SPON1: variants seen among roughly 807,000 people sequenced by gnomAD.
The protein encoded by SPON1 is spondin 1, also known as spondin-1.
In SPON1, 52 loss-of-function variants were observed where a neutral mutation model predicts 111.7. The ratio of observed to expected loss-of-function variants is 0.47; its 90% CI spans 0.37 to 0.59. The LOEUF is 0.59. Among genes scored for constraint, SPON1 ranks in the 20% least tolerant of loss-of-function variants. SPON1 has a pLI of 0.00. For synonymous variants in SPON1, 410 were observed against 395.8 expected (o/e 1.04, Z -0.43); for missense variants, 957 against 1,068.5 (o/e 0.90, Z 1.46).
At chr11:14,039,107 A>C (rs1482305828) in intron 2 of SPON1, among the ~76,000 whole-genome samples, 3 of 152,208 alleles carry the variant, frequency 2.0e-5, no homozygotes, top group Non-Finnish European at 4.4e-5. Flanking sequence ...AAAGCTACAT[A>C]CTGTATGATT....
At chr11:14,150,797 G>A (rs1847778188) in intron 6 of SPON1, among the ~76,000 whole-genome samples, 1 of 152,204 alleles carries the variant, frequency 6.6e-6, no homozygotes, top group South Asian at 2.1e-4. Context: ...GTCAAGTACA[G>A]GACACAGGGA....
intron 2 of SPON1, among the ~76,000 whole-genome samples, chr11:14,001,766 A>G (rs1848320879): frequency 6.6e-6 from 1 of 152,170 alleles, no homozygotes; most frequent in Non-Finnish European, 1.5e-5. Flanking sequence ...AGAATGACAA[A>G]CAAACATAAT....
intron 6 of SPON1, among the ~76,000 whole-genome samples, chr11:14,150,491 GA>G (rs554862972): frequency 6.6e-6 from 1 of 152,074 alleles, no homozygotes; most frequent in South Asian, 2.1e-4. Flanking sequence ...AACAATAAAT[GA>G]GGTGATATGC....
intron 2 of SPON1, among the ~76,000 whole-genome samples, chr11:14,028,150 T>C (rs1848532743): frequency 6.6e-6 from 1 of 152,114 alleles, no homozygotes; most frequent in South Asian, 2.1e-4. Flanking sequence ...CTTCACTGGA[T>C]TATTGTTTGA....
chr11:14,092,506 C>G (rs1415805435), intron 5 of SPON1, among the ~76,000 whole-genome samples: 1 of 152,120 alleles, frequency 6.6e-6, no homozygotes, highest in Non-Finnish European at 1.5e-5. Context: ...AATACCCAGT[C>G]TCTGCAGGTG....
intron 2 of SPON1, among the ~76,000 whole-genome samples, chr11:14,026,682 G>A (rs1554915355): frequency 6.6e-6 from 1 of 152,236 alleles, no homozygotes; most frequent in Non-Finnish European, 1.5e-5. Context: ...GGATAACAGG[G>A]AGGTTGAGAA....
In SPON1 at chr11:14,004,977, A is replaced by T. The variant is rs12222635; in HGVS notation, c.345+22024A>T. 3.4e-4 allele frequency among the ~76,000 whole-genome samples: 51 copies of T among 151,996 alleles called. No individual in the cohort carries two copies. In the East Asian group the frequency reaches 6.7e-3, roughly 20 times the overall value. Reference sequence around the variant, plus strand: ...GCATGCCACTATGTCTGGATGATTTAAAAAAAATTTTTTTAGAGATGGAGT... The same window carrying T: ...GCATGCCACTATGTCTGGATGATTTTAAAAAAATTTTTTTAGAGATGGAGT... On this transcript the variant is annotated intron_variant, in intron 2 of 15. Transcript: ENST00000576479.
intron 5 of SPON1, among the ~76,000 whole-genome samples, chr11:14,120,120 G>C (rs10832184): frequency 0.36 from 54,218 of 151,894 alleles, 9,856 homozygotes; most frequent in Admixed American, 0.42. Flanking sequence ...CCCTGGGTGA[G>C]TCATTTAATC....
intron 1 of SPON1, among the ~76,000 whole-genome samples, chr11:13,977,741 A>T (rs546674999): frequency 2.4e-4 from 36 of 152,232 alleles, no homozygotes; most frequent in African/African-American, 7.9e-4. Context: ...TATGTAAGAA[A>T]TCTTTGTTAC....
chr11:14,230,764 T>TTTCCTTCC (rs57121403), intron 6 of SPON1, among the ~76,000 whole-genome samples: 3,066 of 112,494 alleles, frequency 0.027, 118 homozygotes, highest in African/African-American at 0.098. Flanking sequence ...TCTCTCTCTC[T>TTTCCTTCC]TTCCTTCCTT....
At chr11:14,090,548 G>A (rs1554923168) in intron 5 of SPON1, among the ~76,000 whole-genome samples, 1 of 152,080 alleles carries the variant, frequency 6.6e-6, no homozygotes, top group Non-Finnish European at 1.5e-5. Flanking sequence ...TGGCTCAGGA[G>A]TGAAGCTGCA....
At chr11:13,985,323 A>G (rs1848174033) in intron 2 of SPON1, among the ~76,000 whole-genome samples, 1 of 152,236 alleles carries the variant, frequency 6.6e-6, no homozygotes, top group African/African-American at 2.4e-5. Flanking sequence ...GATAACGACA[A>G]TAGCTAACAC....
chr11:14,121,962 A>T (rs1311778966), intron 5 of SPON1, among the ~76,000 whole-genome samples: 1 of 151,484 alleles, frequency 6.6e-6, no homozygotes, highest in Non-Finnish European at 1.5e-5. Context: ...GCAAGTCATC[A>T]TTCTTATCTT....
chr11:14,145,009 C>T (rs996473016), intron 6 of SPON1, among the ~76,000 whole-genome samples: 1 of 152,064 alleles, frequency 6.6e-6, no homozygotes, highest in Non-Finnish European at 1.5e-5. Context: ...TAAGTGGGCA[C>T]TTGTGGTTGG....
chr11:14,028,342 T>G (rs951505685), intron 2 of SPON1, among the ~76,000 whole-genome samples: 3 of 151,758 alleles, frequency 2.0e-5, no homozygotes, highest in African/African-American at 7.3e-5. Context: ...AAATATTACC[T>G]CGGCATGGTG....
intron 3 of SPON1, among the ~76,000 whole-genome samples, chr11:14,045,358 C>G (rs1426785758): frequency 2.6e-5 from 4 of 152,096 alleles, no homozygotes; most frequent in African/African-American, 9.7e-5. Flanking sequence ...GGGCAGATCG[C>G]CTGAGGTCGG....
In SPON1 at chr11:14,234,196, C is replaced by G. The variant is rs1848836490; in HGVS notation, c.826-9136C>G. Reference sequence around the variant, plus strand: ...GATCATGGGCTGGGCTTCCTCACAGCCCTTTCTGTTTGAAGGCAGACAGCC... The same window carrying G: ...GATCATGGGCTGGGCTTCCTCACAGGCCTTTCTGTTTGAAGGCAGACAGCC... On this transcript the variant is annotated intron_variant, in intron 6 of 15. Transcript: ENST00000576479. 2.6e-5 allele frequency among the ~76,000 whole-genome samples: 4 copies of G among 152,210 alleles called. No individual in the cohort carries two copies. The South Asian group carries it at 8.3e-4, about 32-fold the overall frequency.
At chr11:14,018,323 G>C (rs1438231309) in intron 2 of SPON1, among the ~76,000 whole-genome samples, 1 of 152,166 alleles carries the variant, frequency 6.6e-6, no homozygotes, top group Non-Finnish European at 1.5e-5. Flanking sequence ...TATCAAGCCT[G>C]AGATCTTAAG....
intron 6 of SPON1, among the ~76,000 whole-genome samples, chr11:14,139,345 G>A (rs1354185242): frequency 1.3e-5 from 2 of 152,114 alleles, no homozygotes; most frequent in African/African-American, 4.8e-5. Flanking sequence ...CCCTGATTCT[G>A]TACTAAATTG....
Sources: allele counts gnomAD v4.1 joint callset (sites outside exome capture counted in the v4.1 genomes callset), GRCh38; gene constraint gnomAD v4.1.1; transcripts MANE v1.5; gene names NCBI Gene and HGNC (gene_info 2026-07-23, HGNC 2026-07-21).